The following FER variants were observed in gnomAD, a reference collection of about 807,000 sequenced individuals.
FER encodes the protein FER tyrosine kinase.
FER carries 63 observed loss-of-function variants against 111.0 expected under a neutral mutation model. The observed-to-expected ratio is 0.57, with a 90% CI of 0.46 to 0.70. The LOEUF is 0.70. Ranked by LOEUF, FER falls within the 30% of genes least tolerant of loss-of-function variation. FER has a pLI of 0.00. For synonymous variants in FER, 327 were observed against 313.9 expected, an observed-to-expected ratio of 1.04 and a Z score of -0.44; for missense variants, 914 against 954.0, an observed-to-expected ratio of 0.96 and a Z score of 0.55.
At chr5:108,756,076 C>T (rs1580379585) in intron 1 of FER, among the ~76,000 whole-genome samples, 1 of 149,692 alleles carries the variant, frequency 6.7e-6, no homozygotes, top group South Asian at 2.1e-4. Flanking sequence ...ATTGCTTGAA[C>T]ACGGGAGGTG....
intron 17 of FER, among the ~76,000 whole-genome samples, chr5:109,120,556 T>C (rs1004489024): frequency 3.9e-5 from 6 of 152,186 alleles, no homozygotes; most frequent in Non-Finnish European, 7.4e-5. Context: ...TCTGTTCTTT[T>C]TGCTTAGGAA....
intron 17 of FER, among the ~76,000 whole-genome samples, chr5:109,124,119 C>T (rs1232057553): frequency 1.3e-5 from 2 of 151,888 alleles, no homozygotes; most frequent in East Asian, 1.9e-4. Flanking sequence ...ATCCCAGCTA[C>T]AAAAGGCTGA....
chr5:108,885,236 T>C (rs530251130), intron 9 of FER, among the ~76,000 whole-genome samples: 26 of 152,058 alleles, frequency 1.7e-4, no homozygotes, highest in African/African-American at 5.8e-4. Flanking sequence ...AAATTCCCAA[T>C]GTCTAAAGGC....
chr5:108,950,260 G>T (rs1757540651), intron 11 of FER, among the ~76,000 whole-genome samples: 1 of 152,050 alleles, frequency 6.6e-6, no homozygotes, highest in African/African-American at 2.4e-5. Flanking sequence ...GCTTATCTCT[G>T]ATTAACATGT....
intron 10 of FER, among the ~76,000 whole-genome samples, chr5:108,917,600 A>G (rs74674001): frequency 0.07 from 10,723 of 152,188 alleles, 507 homozygotes; most frequent in African/African-American, 0.13. Context: ...CTTGCTGAGT[A>G]GGTGTATGAT....
chr5:109,051,949 A>G (rs1772896275), intron 16 of FER: 3 of 1,589,472 alleles, frequency 1.9e-6, no homozygotes, highest in Non-Finnish European at 2.6e-6. Context: ...CCACTGGATC[A>G]GCAAGGTCAC....
intron 8 of FER, among the ~76,000 whole-genome samples, chr5:108,881,149 C>G (rs1368502995): frequency 6.6e-6 from 1 of 152,110 alleles, no homozygotes; most frequent in Non-Finnish European, 1.5e-5. Context: ...CACATATAAA[C>G]ACATACCACA....
rs533752745 is a variant in FER at position 108,890,828 on chromosome 5, G to T, written c.1047-6831G>T. ...GGATGTTTGGTTTGTTTCTAGTTTG[G>T]AGCTAGTACAAATAAAGGTCTCCAA... On this transcript the variant is annotated intron_variant, in intron 9 of 19. Coordinates refer to ENST00000281092, the MANE Select transcript of FER (RefSeq NM_005246.4). 6.6e-5 allele frequency among the ~76,000 whole-genome samples: 10 copies of T among 152,154 alleles called. No homozygotes were observed. The South Asian group carries it at 1.2e-3, about 19-fold the overall frequency.
intron 13 of FER, among the ~76,000 whole-genome samples, chr5:109,018,405 A>G (rs865794608): frequency 3.4e-4 from 51 of 151,910 alleles, no homozygotes; most frequent in African/African-American, 1.2e-3. Flanking sequence ...ATATCTTACC[A>G]TTGGGACTAC....
chr5:108,757,525 C>T (rs773543967), intron 1 of FER, among the ~76,000 whole-genome samples: 16 of 152,090 alleles, frequency 1.1e-4, no homozygotes, highest in South Asian at 6.2e-4. Context: ...TTGATCTTGA[C>T]GCACATCAAT....
intron 5 of FER, among the ~76,000 whole-genome samples, chr5:108,848,387 T>G (rs1352162346): frequency 6.6e-6 from 1 of 152,214 alleles, no homozygotes; most frequent in Non-Finnish European, 1.5e-5. Flanking sequence ...GTTCCACGTA[T>G]TCTGTATTTC....
intron 5 of FER, among the ~76,000 whole-genome samples, chr5:108,866,530 A>G (rs1764085248): frequency 6.6e-6 from 1 of 152,132 alleles, no homozygotes; most frequent in African/African-American, 2.4e-5. Flanking sequence ...GCACATGTAT[A>G]CATATGTAAC....
At chr5:109,104,202 A>G (rs143623771) in intron 17 of FER, among the ~76,000 whole-genome samples, 2 of 152,228 alleles carry the variant, frequency 1.3e-5, no homozygotes, top group Non-Finnish European at 2.9e-5. Context: ...TTTACAAATT[A>G]AAGTATATTA....
intron 9 of FER, among the ~76,000 whole-genome samples, chr5:108,884,343 A>G (rs1408167770): frequency 6.6e-6 from 1 of 151,986 alleles, no homozygotes; most frequent in African/African-American, 2.4e-5. Flanking sequence ...CTCCCTCATC[A>G]TAGTGAGCAG....
chr5:109,156,960 G>A (rs1036272361), intron 17 of FER, among the ~76,000 whole-genome samples: 2 of 152,096 alleles, frequency 1.3e-5, no homozygotes, highest in African/African-American at 4.8e-5. Flanking sequence ...ATGCTCAGAT[G>A]CTAATGGAGT....
intron 3 of FER, among the ~76,000 whole-genome samples, chr5:108,804,580 C>T (rs34188045): frequency 0.053 from 7,994 of 152,170 alleles, 295 homozygotes; most frequent in Non-Finnish European, 0.075. Flanking sequence ...TCTCAATCAT[C>T]AATTGAGATT....
At chr5:109,039,012 G>A (rs1475746789) in intron 14 of FER, among the ~76,000 whole-genome samples, 1 of 151,960 alleles carries the variant, frequency 6.6e-6, no homozygotes, top group East Asian at 1.9e-4. Flanking sequence ...GTGACTTTGA[G>A]GCAGTGTGTA....
chr5:109,169,258 A>C (rs1236076900), intron 17 of FER, among the ~76,000 whole-genome samples: 1 of 152,204 alleles, frequency 6.6e-6, no homozygotes, highest in Non-Finnish European at 1.5e-5. Flanking sequence ...TATCAAATAT[A>C]ATGCAGAATT....
chr5:108,858,784 T>C (rs1763242381), intron 5 of FER, among the ~76,000 whole-genome samples: 3 of 146,384 alleles, frequency 2.0e-5, no homozygotes, highest in Admixed American at 6.8e-5. Flanking sequence ...TTTTTTTTTT[T>C]TCTGTCCTCA....
Sources: allele counts gnomAD v4.1 joint callset (sites outside exome capture counted in the v4.1 genomes callset), GRCh38; gene constraint gnomAD v4.1.1; transcripts MANE v1.5; gene names NCBI Gene and HGNC (gene_info 2026-07-23, HGNC 2026-07-21).